The following CADPS2 variants were observed in gnomAD, a reference collection of about 807,000 sequenced individuals.
CADPS2 encodes calcium dependent secretion activator 2.
A neutral mutation model predicts 172.5 loss-of-function variants in CADPS2; 93 were observed. The ratio of observed to expected loss-of-function variants is 0.54; its 90% CI spans 0.46 to 0.64. CADPS2 has a LOEUF of 0.64. CADPS2 is among the 30% of genes least tolerant of loss of function. The pLI, the probability that CADPS2 is intolerant of heterozygous loss-of-function variation, is 0.00. For synonymous variants in CADPS2, 546 were observed against 555.2 expected (o/e 0.98, Z 0.23); for missense variants, 1,420 against 1,565.9 (o/e 0.91, Z 1.57).
At chr7:122,476,813 CAA>C (rs1468476690) in intron 12 of CADPS2, among the ~76,000 whole-genome samples, 3 of 151,958 alleles carry the variant, frequency 2.0e-5, no homozygotes, top group Non-Finnish European at 4.4e-5. Context: ...CTGTGAAGAC[CAA>C]ACATTTTTAC....
At chr7:122,348,500 T>TA (rs1056463755) in intron 27 of CADPS2, among the ~76,000 whole-genome samples, 1 of 152,200 alleles carries the variant, frequency 6.6e-6, no homozygotes, top group Non-Finnish European at 1.5e-5. Flanking sequence ...TTGATTGTTG[T>TA]AAAAAATCAA....
intron 7 of CADPS2, among the ~76,000 whole-genome samples, chr7:122,576,629 C>T (rs1563754006): frequency 6.6e-6 from 1 of 152,172 alleles, no homozygotes; most frequent in African/African-American, 2.4e-5. Context: ...TTTGTGTCCC[C>T]ACCCAAATCT....
At chr7:122,355,386 C>G (rs1413297505) in intron 27 of CADPS2, among the ~76,000 whole-genome samples, 5 of 152,120 alleles carry the variant, frequency 3.3e-5, no homozygotes, top group Admixed American at 3.3e-4. Flanking sequence ...TTTCAGACAG[C>G]CTGGCCAACA....
chr7:122,434,664 C>G (rs116529348), intron 17 of CADPS2, among the ~76,000 whole-genome samples: 1 of 151,840 alleles, frequency 6.6e-6, no homozygotes, highest in Non-Finnish European at 1.5e-5. Context: ...AACAGGCACA[C>G]GTAGTTAAAT....
chr7:122,465,234 TAAATG>T (rs747304064), intron 14 of CADPS2, among the ~76,000 whole-genome samples: 6 of 152,178 alleles, frequency 3.9e-5, no homozygotes, highest in Non-Finnish European at 7.3e-5. Context: ...TTTAATAACT[TAAATG>T]AAATCTACCA....
intron 25 of CADPS2, among the ~76,000 whole-genome samples, chr7:122,367,902 T>C (rs573803819): frequency 1.4e-4 from 21 of 152,122 alleles, no homozygotes; most frequent in African/African-American, 5.1e-4. Flanking sequence ...CCTGCATTCA[T>C]GGTTCATGGT....
At chr7:122,494,701 T>G (rs1236955112) in intron 9 of CADPS2, among the ~76,000 whole-genome samples, 1 of 152,036 alleles carries the variant, frequency 6.6e-6, no homozygotes, top group African/African-American at 2.4e-5. Flanking sequence ...TATTTCTATT[T>G]TGAAGAATAA....
At chr7:122,721,085 T>A (rs2090337948) in intron 2 of CADPS2, among the ~76,000 whole-genome samples, 1 of 152,042 alleles carries the variant, frequency 6.6e-6, no homozygotes, top group African/African-American at 2.4e-5. Context: ...CCTCTAGGTT[T>A]GCTCAACACA....
intron 17 of CADPS2, among the ~76,000 whole-genome samples, chr7:122,433,855 C>T (rs2050295655): frequency 6.6e-6 from 1 of 152,182 alleles, no homozygotes; most frequent in East Asian, 1.9e-4. Context: ...TGGGACAAGT[C>T]CCTTTTGTTC....
chr7:122,793,014 T>G (rs1357476811), intron 1 of CADPS2, among the ~76,000 whole-genome samples: 1 of 152,184 alleles, frequency 6.6e-6, no homozygotes, highest in African/African-American at 2.4e-5. Context: ...ATGCTGTACC[T>G]TTCAGCCATA....
At chr7:122,572,461 C>T (rs1311890529) in intron 7 of CADPS2, among the ~76,000 whole-genome samples, 1 of 152,086 alleles carries the variant, frequency 6.6e-6, no homozygotes, top group African/African-American at 2.4e-5. Context: ...TATTAATGGA[C>T]AATAGGTTCC....
chr7:122,423,770 T>C (rs1205545847), intron 17 of CADPS2, among the ~76,000 whole-genome samples: 1 of 152,220 alleles, frequency 6.6e-6, no homozygotes. Flanking sequence ...CTTGGCATCA[T>C]TCCGAATTTC....
chr7:122,490,966 T>C (rs1367405008), intron 10 of CADPS2, among the ~76,000 whole-genome samples: 1 of 152,136 alleles, frequency 6.6e-6, no homozygotes, highest in African/African-American at 2.4e-5. Context: ...GTAGTTATAA[T>C]ATAATAATTC....
chr7:122,527,254 C>A (rs2061309123), intron 8 of CADPS2, among the ~76,000 whole-genome samples: 1 of 151,906 alleles, frequency 6.6e-6, no homozygotes, highest in African/African-American at 2.4e-5. Context: ...GCACCTTAAG[C>A]CCCTTTATGC....
chr7:122,492,120 C>T (rs577204511), intron 9 of CADPS2, among the ~76,000 whole-genome samples: 5 of 152,016 alleles, frequency 3.3e-5, no homozygotes, highest in Admixed American at 1.3e-4. Flanking sequence ...TGTAGTGAGA[C>T]GAGATCGCGC....
chr7:122,707,567 T>A (rs888033439), intron 2 of CADPS2, among the ~76,000 whole-genome samples: 1 of 151,912 alleles, frequency 6.6e-6, no homozygotes, highest in African/African-American at 2.4e-5. Flanking sequence ...AGAGCTATAA[T>A]ATCATGAGAG....
chr7:122,503,364 T>C (rs1050432727), intron 9 of CADPS2, among the ~76,000 whole-genome samples: 1 of 152,154 alleles, frequency 6.6e-6, no homozygotes, highest in African/African-American at 2.4e-5. Context: ...CAAGTAGATA[T>C]AAAATCACAA....
At chr7:122,753,196 C>A (rs1244138561) in intron 1 of CADPS2, among the ~76,000 whole-genome samples, 1 of 152,094 alleles carries the variant, frequency 6.6e-6, no homozygotes, top group Non-Finnish European at 1.5e-5. Context: ...ATAATTAAGT[C>A]AAAGATTACT....
chr7:122,415,355 T>TGTTTGTGC, intron 18 of CADPS2, among the ~76,000 whole-genome samples: 1 of 152,166 alleles, frequency 6.6e-6, no homozygotes, highest in African/African-American at 2.4e-5. Flanking sequence ...TGCAGCATTG[T>TGTTTGTGC]AAGACGGGTT....
Sources: allele counts gnomAD v4.1 joint callset (sites outside exome capture counted in the v4.1 genomes callset), GRCh38; gene constraint gnomAD v4.1.1; transcripts MANE v1.5; gene names NCBI Gene and HGNC (gene_info 2026-07-23, HGNC 2026-07-21).